CADM2: variants seen among roughly 807,000 people sequenced by gnomAD.
CADM2 encodes immunoglobulin superfamily member 4D.
A neutral mutation model predicts 49.8 loss-of-function variants in CADM2; 12 were observed. The observed-to-expected ratio is 0.24, with a 90% CI of 0.15 to 0.39. CADM2 has a LOEUF of 0.39. Among genes scored for constraint, CADM2 ranks in the 10% least tolerant of loss-of-function variants. CADM2 has a pLI of 1.00. For synonymous variants in CADM2, 214 were observed against 175.4 expected (o/e 1.22, Z -1.74); for missense variants, 378 against 492.3 (o/e 0.77, Z 2.20).
intron 6 of CADM2, among the ~76,000 whole-genome samples, chr3:85,915,437 A>G (rs1171480386): frequency 6.6e-6 from 1 of 152,128 alleles, no homozygotes; most frequent in African/African-American, 2.4e-5. Context: ...TGATAATGCT[A>G]AATGTTTCTT....
chr3:85,928,807 C>T (rs956775847), intron 6 of CADM2, among the ~76,000 whole-genome samples: 17 of 152,082 alleles, frequency 1.1e-4, no homozygotes, highest in Non-Finnish European at 1.8e-4. Flanking sequence ...TTACACAACA[C>T]TTAAAGAGCT....
At chr3:85,504,689 T>G (rs1274064959) in intron 1 of CADM2, among the ~76,000 whole-genome samples, 2 of 152,116 alleles carry the variant, frequency 1.3e-5, no homozygotes, top group African/African-American at 4.8e-5. Flanking sequence ...TCCGCAGCCC[T>G]TGGGTGGTCG....
intron 1 of CADM2, among the ~76,000 whole-genome samples, chr3:85,039,264 G>A (rs2035344337): frequency 6.6e-6 from 1 of 152,088 alleles, no homozygotes; most frequent in Non-Finnish European, 1.5e-5. Context: ...GCCTCCCAAA[G>A]TGCTGAGCCC....
chr3:85,655,062 T>C lies in CADM2; in HGVS notation c.62-71460T>C, dbSNP rs183352627. Among the ~76,000 whole-genome samples the C allele has an allele frequency of 5.6e-4, 85 of 152,314 alleles. 2 individuals are homozygous for C. The highest frequency in any genetic ancestry group is 2.3e-3 in the Admixed American group (35 of 15,302). On this transcript the variant is annotated intron_variant, in intron 1 of 9. Coordinates refer to ENST00000383699, the MANE Select transcript of CADM2 (RefSeq NM_001167675.2). The stretch of plus-strand genomic sequence containing the variant: ...AAACAAAAAATTGTAAGGATTCTTA[T>C]GCTTTATTTTGAAATATCCCATTTC...
chr3:86,008,086 C>G (rs11922573), intron 8 of CADM2, among the ~76,000 whole-genome samples: 25,887 of 152,086 alleles, frequency 0.17, 2,249 homozygotes, highest in South Asian at 0.24. Context: ...ACAGCATTCT[C>G]AAATATCAAG....
intron 8 of CADM2, among the ~76,000 whole-genome samples, chr3:86,007,782 C>T (rs189475483): frequency 2.0e-5 from 3 of 152,206 alleles, no homozygotes; most frequent in East Asian, 1.9e-4. Flanking sequence ...GGCTTCTCTA[C>T]GACTTTCAGT....
chr3:85,786,909 G>T (rs1015575661), intron 2 of CADM2, among the ~76,000 whole-genome samples: 2 of 152,022 alleles, frequency 1.3e-5, no homozygotes, highest in Admixed American at 1.3e-4. Flanking sequence ...ATATTTCACA[G>T]GGGAAAAACT....
rs111607713 is a variant in CADM2 at position 85,083,091 on chromosome 3, G to A, written c.61+123423G>A. ...TATGTGTACTATACCATATACATAT[G>A]TATATGTGTATTATATACATAGTAT... On this transcript the variant is annotated intron_variant, in intron 1 of 9. Coordinates refer to ENST00000383699, the MANE Select transcript of CADM2 (RefSeq NM_001167675.2). Among the ~76,000 whole-genome samples the A allele has an allele frequency of 1.2e-4, 18 of 151,980 alleles. 1 individual carries two copies. The highest frequency in any genetic ancestry group is 4.3e-4 in the African/African-American group (18 of 41,486).
chr3:85,745,258 G>C (rs2068567475), intron 2 of CADM2, among the ~76,000 whole-genome samples: 1 of 152,134 alleles, frequency 6.6e-6, no homozygotes, highest in African/African-American at 2.4e-5. Context: ...TTAAATTGAA[G>C]TTGTTAAAAA....
At chr3:85,156,960 C>A (rs1365758517) in intron 1 of CADM2, among the ~76,000 whole-genome samples, 5 of 152,152 alleles carry the variant, frequency 3.3e-5, no homozygotes, top group African/African-American at 4.8e-5. Context: ...AGCCCAAAAT[C>A]TCCTTAAGCT....
At chr3:85,752,785 A>G (rs995136450) in intron 2 of CADM2, among the ~76,000 whole-genome samples, 4 of 152,162 alleles carry the variant, frequency 2.6e-5, no homozygotes, top group Admixed American at 6.5e-5. Context: ...GTTTCAACAC[A>G]TAAATAGAGT....
intron 6 of CADM2, among the ~76,000 whole-genome samples, chr3:85,913,387 A>G (rs944332701): frequency 6.6e-6 from 1 of 152,226 alleles, no homozygotes; most frequent in Non-Finnish European, 1.5e-5. Context: ...GATTTTCTAG[A>G]TAATGAAGAT....
intron 8 of CADM2, chr3:86,012,841 G>A (rs1731708793): frequency 5.6e-6 from 3 of 535,108 alleles, no homozygotes; most frequent in African/African-American, 3.8e-5. Flanking sequence ...CGGGAGCGGT[G>A]GCGGGCGCCT....
intron 8 of CADM2, among the ~76,000 whole-genome samples, chr3:86,063,143 C>T (rs1283414128): frequency 1.3e-5 from 2 of 152,130 alleles, no homozygotes; most frequent in Admixed American, 6.5e-5. Flanking sequence ...TCTAAAGAAA[C>T]AACGTAAAGT....
At chr3:85,657,455 T>C (rs185318426) in intron 1 of CADM2, among the ~76,000 whole-genome samples, 84 of 152,122 alleles carry the variant, frequency 5.5e-4, no homozygotes, top group African/African-American at 1.9e-3. Flanking sequence ...GAAATCTTAG[T>C]CAAATTACCA....
chr3:85,125,369 A>ATTT, intron 1 of CADM2, among the ~76,000 whole-genome samples: 1 of 151,040 alleles, frequency 6.6e-6, no homozygotes. Flanking sequence ...GTGAACTTAG[A>ATTT]TTTTTGTTTT....
At chr3:85,537,285 TTCA>T (rs2061441432) in intron 1 of CADM2, among the ~76,000 whole-genome samples, 1 of 152,116 alleles carries the variant, frequency 6.6e-6, no homozygotes, top group Non-Finnish European at 1.5e-5. Flanking sequence ...TATCAAAATA[TTCA>T]GGCTATGTAG....
At chr3:85,347,456 G>A (rs543303714) in intron 1 of CADM2, among the ~76,000 whole-genome samples, 55 of 146,904 alleles carry the variant, frequency 3.7e-4, no homozygotes, top group East Asian at 2.8e-3. Context: ...AGAAAGTAAC[G>A]AACATATTTG....
intron 3 of CADM2, among the ~76,000 whole-genome samples, chr3:85,803,115 G>T (rs1414733184): frequency 2.0e-5 from 3 of 151,922 alleles, no homozygotes; most frequent in Non-Finnish European, 4.4e-5. Flanking sequence ...CCTTTAATAT[G>T]TATTCATTAT....
Sources: gnomAD v4.1 joint callset for allele counts (sites outside exome capture counted in the v4.1 genomes callset) on GRCh38, gnomAD v4.1.1 for gene constraint, MANE v1.5 for transcripts, NCBI Gene and HGNC (gene_info 2026-07-23, HGNC 2026-07-21) for gene names.